PPP1R14C: variants seen among roughly 807,000 people sequenced by gnomAD.
PPP1R14C encodes the protein protein phosphatase 1 regulatory inhibitor subunit 14C.
In PPP1R14C, 16 loss-of-function variants were observed where a neutral mutation model predicts 20.4. The observed-to-expected ratio is 0.78, with a 90% CI of 0.53 to 1.19. PPP1R14C has a LOEUF of 1.19. PPP1R14C is among the 50% of genes most tolerant of loss of function. PPP1R14C has a pLI of 0.00. For synonymous variants in PPP1R14C, 91 were observed against 91.0 expected, an observed-to-expected ratio of 1.00 and a Z score of 0.00; for missense variants, 211 against 220.1, an observed-to-expected ratio of 0.96 and a Z score of 0.26.
intron 1 of PPP1R14C, among the ~76,000 whole-genome samples, chr6:150,174,411 T>A (rs1777535876): frequency 2.0e-5 from 3 of 147,012 alleles, no homozygotes; most frequent in South Asian, 4.6e-4. Flanking sequence ...AGAGATGGGG[T>A]TTCACCGTGT....
intron 3 of PPP1R14C, among the ~76,000 whole-genome samples, chr6:150,223,172 T>G (rs1210708125): frequency 6.6e-6 from 1 of 152,244 alleles, no homozygotes; most frequent in Non-Finnish European, 1.5e-5. Context: ...TTTTCATTGC[T>G]TGATAGCTCA....
intron 1 of PPP1R14C, among the ~76,000 whole-genome samples, chr6:150,177,454 A>T (rs931309993): frequency 1.2e-4 from 18 of 152,206 alleles, no homozygotes; most frequent in Non-Finnish European, 2.5e-4. Flanking sequence ...GTCTGTTGAC[A>T]GCAGAGAAGG....
intron 1 of PPP1R14C, among the ~76,000 whole-genome samples, chr6:150,171,050 C>T (rs988054997): frequency 1.3e-5 from 2 of 152,090 alleles, no homozygotes; most frequent in East Asian, 1.9e-4. Flanking sequence ...CGGCGTGACC[C>T]TCCATTGGAG....
At chr6:150,169,917 G>A (rs1207818897) in intron 1 of PPP1R14C, among the ~76,000 whole-genome samples, 1 of 152,178 alleles carries the variant, frequency 6.6e-6, no homozygotes, top group African/African-American at 2.4e-5. Flanking sequence ...GCAAACTGTT[G>A]GGGCCATGGG....
chr6:150,198,430 G>GGA (rs1777836393), intron 1 of PPP1R14C, among the ~76,000 whole-genome samples: 1 of 152,382 alleles, frequency 6.6e-6, no homozygotes, highest in East Asian at 1.9e-4. Flanking sequence ...TCCTCTCCAG[G>GGA]GAGGGGAGAG....
intron 1 of PPP1R14C, among the ~76,000 whole-genome samples, chr6:150,158,283 A>G (rs1275180074): frequency 2.0e-5 from 3 of 152,130 alleles, no homozygotes; most frequent in Non-Finnish European, 2.9e-5. Flanking sequence ...CTTTGACCCA[A>G]TGGGGGGCAG....
In PPP1R14C at chr6:150,143,552, C is replaced by A; in HGVS notation, c.306+54C>A. ...GGGACCTCTCTAGCTCCTCTGTGCC[C>A]GCGCAGTAATTTTCCCGGGCTCCAG... On this transcript the variant is annotated intron_variant, in intron 1 of 3. Transcript: ENST00000361131. This position sits in a 1 kb window ranked among gnomAD's most constrained non-coding sequence, Gnocchi z 5.6. The A allele has an allele frequency of 4.7e-6, 6 of 1,289,280 alleles. No individual in the cohort carries two copies. The highest frequency in any genetic ancestry group is 2.1e-4 in the Middle Eastern group (1 of 4,752). The allele number at this position is 1,289,280 out of a possible 1,614,324, so 79.9% of individuals were successfully genotyped here. A position where few individuals can be genotyped will look rare whatever the true frequency, so the allele number is the denominator to read the frequency against.
intron 3 of PPP1R14C, among the ~76,000 whole-genome samples, chr6:150,241,708 G>A (rs918572745): frequency 3.3e-5 from 5 of 152,148 alleles, no homozygotes; most frequent in African/African-American, 7.2e-5. Flanking sequence ...CCAACATGGC[G>A]AAACCCCATC....
intron 1 of PPP1R14C, among the ~76,000 whole-genome samples, chr6:150,203,280 T>G (rs2114899400): frequency 6.6e-6 from 1 of 152,358 alleles, no homozygotes; most frequent in Admixed American, 6.5e-5. Context: ...ATTTTAGTCT[T>G]TTCCAGAACG....
At chr6:150,243,024 G>C (rs1778450346) in intron 3 of PPP1R14C, among the ~76,000 whole-genome samples, 1 of 152,160 alleles carries the variant, frequency 6.6e-6, no homozygotes, top group Non-Finnish European at 1.5e-5. Context: ...AGATAAGTTA[G>C]TTCTTAACTG....
At chr6:150,177,284 T>TG (rs1777573275) in intron 1 of PPP1R14C, among the ~76,000 whole-genome samples, 1 of 152,130 alleles carries the variant, frequency 6.6e-6, no homozygotes, top group Admixed American at 6.5e-5. Context: ...TGAAAGGATC[T>TG]GGGGAGAAGA....
intron 1 of PPP1R14C, among the ~76,000 whole-genome samples, chr6:150,160,155 A>C (rs1777348388): frequency 6.6e-6 from 1 of 151,312 alleles, no homozygotes; most frequent in Non-Finnish European, 1.5e-5. Flanking sequence ...CACCTTGAGC[A>C]CCTGGCTGAG....
At chr6:150,193,885 G>A (rs1029059524) in intron 1 of PPP1R14C, among the ~76,000 whole-genome samples, 1 of 152,100 alleles carries the variant, frequency 6.6e-6, no homozygotes, top group Non-Finnish European at 1.5e-5. Context: ...GGGTGACATG[G>A]TTTGGCTGTG....
intron 3 of PPP1R14C, among the ~76,000 whole-genome samples, chr6:150,223,088 T>C (rs1778189952): frequency 6.6e-6 from 1 of 152,192 alleles, no homozygotes; most frequent in African/African-American, 2.4e-5. Context: ...TTTTAAAAAA[T>C]GTGATGTCAA....
At chr6:150,205,294 T>C (rs1260853190) in intron 1 of PPP1R14C, among the ~76,000 whole-genome samples, 1 of 152,160 alleles carries the variant, frequency 6.6e-6, no homozygotes, top group East Asian at 1.9e-4. Context: ...ACTGAACTTC[T>C]GGGACCAACA....
chr6:150,147,677 C>G (rs145809735), intron 1 of PPP1R14C, among the ~76,000 whole-genome samples: 2 of 152,198 alleles, frequency 1.3e-5, no homozygotes, highest in African/African-American at 4.8e-5. Context: ...TTGCAATGCC[C>G]GTAGCATCCT....
At chr6:150,248,631 C>A in intron 3 of PPP1R14C, 115 bp from the exon 4 acceptor site, 1 of 665,814 alleles carries the variant, frequency 1.5e-6, no homozygotes, top group Non-Finnish European at 2.6e-6. Context: ...TTAACACATT[C>A]AACCAAATTC....
intron 1 of PPP1R14C, chr6:150,196,159 G>A: frequency 1.0e-6 from 1 of 979,042 alleles, no homozygotes; most frequent in Non-Finnish European, 1.2e-6. Flanking sequence ...TAAGCCTTCT[G>A]AGCTTCTAGC....
At position 150,186,386 on chromosome 6, in the gene PPP1R14C, A is replaced by G. The variant is rs577758918; in HGVS notation, c.307-28358A>G. ...CTCAGAGGGGAGTGTGTTACCGGAC[A>G]GTCCCCTCAGCAAACTCAGTTATTC... On this transcript the variant is annotated intron_variant, in intron 1 of 3. Coordinates refer to ENST00000361131, the MANE Select transcript of PPP1R14C (RefSeq NM_030949.3). Among the ~76,000 whole-genome samples, 32 of 152,268 alleles carry G rather than the reference A, an allele frequency of 2.1e-4. No homozygotes were observed. In the East Asian group the frequency reaches 5.8e-3, roughly 28 times the overall value.
Sources: allele counts gnomAD v4.1 joint callset (sites outside exome capture counted in the v4.1 genomes callset), GRCh38; gene constraint gnomAD v4.1.1; non-coding constraint Gnocchi (gnomAD v3.1); transcripts MANE v1.5; gene names NCBI Gene and HGNC (gene_info 2026-07-23, HGNC 2026-07-21).